RMND1: variants seen among roughly 807,000 people sequenced by gnomAD.
RMND1 encodes required for meiotic nuclear division protein 1 homolog.
RMND1 carries 41 observed loss-of-function variants against 54.0 expected under a neutral mutation model. The ratio of observed to expected loss-of-function variants is 0.76; its 90% CI spans 0.59 to 0.98. RMND1 has a LOEUF of 0.98. Among genes scored for constraint, RMND1 ranks in the 50% least tolerant of loss-of-function variants. The pLI, the probability that RMND1 is intolerant of heterozygous loss-of-function variation, is 0.00. For synonymous variants in RMND1, 183 were observed against 181.7 expected, an observed-to-expected ratio of 1.01 and a Z score of -0.06; for missense variants, 457 against 532.0, an observed-to-expected ratio of 0.86 and a Z score of 1.39.
At chr6:151,417,513 A>G (rs1373289979) in intron 9 of RMND1, 114 bp from the exon 10 acceptor site, 3 of 769,436 alleles carry the variant, frequency 3.9e-6, no homozygotes, top group Middle Eastern at 3.9e-4. Flanking sequence ...TTGGTAAGAG[A>G]GAGGGTCTTG....
intron 10 of RMND1, among the ~76,000 whole-genome samples, chr6:151,410,311 T>C (rs1375576657): frequency 6.6e-6 from 1 of 152,134 alleles, no homozygotes; most frequent in African/African-American, 2.4e-5. Context: ...CTCCTTGGCC[T>C]CCCAAAATGC....
intron 7 of RMND1, 134 bp from the exon 8 acceptor site, chr6:151,422,739 A>AT (rs1378106948): frequency 2.2e-6 from 1 of 460,648 alleles, no homozygotes; most frequent in Non-Finnish European, 3.9e-6. Flanking sequence ...TGAAAATATA[A>AT]TTTAAGAATA....
chr6:151,436,789 G>A, intron 2 of RMND1: 1 of 398,146 alleles, frequency 2.5e-6, no homozygotes, highest in East Asian at 4.1e-5. Flanking sequence ...CAAAAAGATG[G>A]AATGGATTAT....
chr6:151,425,066 C>A (rs191245535), intron 6 of RMND1, among the ~76,000 whole-genome samples: 350 of 152,294 alleles, frequency 2.3e-3, no homozygotes, highest in Admixed American at 5.4e-3. Context: ...CCTCAGCCTC[C>A]TGAGTAGCTG....
At chr6:151,445,967 G>T in intron 1 of RMND1, 142 bp from the exon 2 acceptor site, 1 of 777,716 alleles carries the variant, frequency 1.3e-6, no homozygotes, top group Non-Finnish European at 2.0e-6. Flanking sequence ...AAAAGAACAA[G>T]GTTAAAAATA....
At chr6:151,448,318 A>G (rs191381027) in intron 1 of RMND1, among the ~76,000 whole-genome samples, 7 of 152,092 alleles carry the variant, frequency 4.6e-5, no homozygotes, top group Admixed American at 4.6e-4. Context: ...TTCAACCCCA[A>G]CAGGACCCAC....
At chr6:151,451,110 G>T (rs369982554) in intron 1 of RMND1, among the ~76,000 whole-genome samples, 12 of 150,408 alleles carry the variant, frequency 8.0e-5, no homozygotes, top group East Asian at 7.9e-4. Flanking sequence ...AGACCTTTGT[G>T]CACTTGTTTA....
intron 2 of RMND1, among the ~76,000 whole-genome samples, chr6:151,441,862 T>C (rs1436058244): frequency 6.6e-6 from 1 of 152,224 alleles, no homozygotes; most frequent in African/African-American, 2.4e-5. Context: ...TGGGCCATTC[T>C]AGCAAATAAT....
At chr6:151,449,661 A>G (rs71549125) in intron 1 of RMND1, among the ~76,000 whole-genome samples, 1 of 148,838 alleles carries the variant, frequency 6.7e-6, no homozygotes, top group Non-Finnish European at 1.5e-5. Context: ...CCCTCTCCCC[A>G]CGGTCCCCCT....
chr6:151,405,935 G>C (rs1779604594), intron 10 of RMND1, 99 bp from the exon 11 acceptor site: 3 of 580,004 alleles, frequency 5.2e-6, no homozygotes, highest in Non-Finnish European at 9.2e-6. Flanking sequence ...CTGCTCCTCA[G>C]TCCTCTCCCC....
intron 1 of RMND1, chr6:151,446,084 G>A: frequency 2.8e-6 from 1 of 358,444 alleles, no homozygotes; most frequent in South Asian, 4.1e-5. Flanking sequence ...AAAAAAAATA[G>A]TGATGGGACC....
At chr6:151,432,891 T>C (rs951525372) in intron 4 of RMND1, among the ~76,000 whole-genome samples, 6 of 152,160 alleles carry the variant, frequency 3.9e-5, no homozygotes, top group Non-Finnish European at 8.8e-5. Context: ...ATTTAGTCCA[T>C]GAAAATCCGA....
rs374972938 is a variant in RMND1 at position 151,430,133 on chromosome 6, C to G, written c.729+5G>C. 17 of 1,587,344 alleles carry G rather than the reference C, an allele frequency of 1.1e-5. No homozygotes were observed. The highest frequency in any genetic ancestry group is 1.5e-5 in the Non-Finnish European group (17 of 1,159,330). Reference sequence around the variant, plus strand: ...TTATATTTTCACATTTTTATTTACACTTACAGTTTTGTCTTTCACATTCCA... The same window carrying G: ...TTATATTTTCACATTTTTATTTACAGTTACAGTTTTGTCTTTCACATTCCA... On this transcript the variant is annotated splice_donor_5th_base_variant and intron_variant, in intron 5 of 11. Coordinates refer to ENST00000444024, the MANE Select transcript of RMND1 (RefSeq NM_017909.4).
intron 10 of RMND1, among the ~76,000 whole-genome samples, chr6:151,408,072 G>A (rs1297657720): frequency 6.6e-6 from 1 of 152,132 alleles, no homozygotes; most frequent in African/African-American, 2.4e-5. Context: ...CAGTGGACAT[G>A]AAGAAAAGGT....
rs527462616 is a variant in RMND1, at chr6:151,405,947, A to G, written c.1201-111T>C. ...ATCCTGCTCCTCAGTCCTCTCCCCA[A>G]AGGCAGCCACCAACATTATCAGTTT... On this transcript the variant is annotated intron_variant, in intron 10 of 11. Coordinates refer to ENST00000444024, the MANE Select transcript of RMND1 (RefSeq NM_017909.4). The G allele has an allele frequency of 2.7e-5, 14 of 525,832 alleles. No homozygotes were observed. The Admixed American group carries it at 4.2e-4, about 16-fold the overall frequency. The allele number at this position is 525,832 out of a possible 1,614,324, so 32.6% of individuals were successfully genotyped here.
At chr6:151,428,224 T>A (rs1395061287) in intron 5 of RMND1, among the ~76,000 whole-genome samples, 1 of 152,258 alleles carries the variant, frequency 6.6e-6, no homozygotes, top group African/African-American at 2.4e-5. Context: ...ACTGAAATCC[T>A]AATCCCCAGA....
In RMND1 at chr6:151,427,635, GTA is replaced by G. The variant is rs371699052; in HGVS notation, c.730-55_730-54del. On this transcript the variant is annotated intron_variant, in intron 5 of 11. Coordinates refer to ENST00000444024, the MANE Select transcript of RMND1 (RefSeq NM_017909.4). ...ATCATAACTGACTCCCTCAGTTCAA[GTA>G]TGTTATGATTTTAATGCTTATAACA... The G allele has an allele frequency of 5.4e-3, 6,171 of 1,134,634 alleles. 87 individuals carry two copies. The highest frequency in any genetic ancestry group is 0.036 in the South Asian group (2,864 of 79,260). 70.3% of individuals were successfully genotyped at this position (1,134,634 alleles called of 1,614,324 possible). A position where few individuals can be genotyped will look rare whatever the true frequency, so the allele number is the denominator to read the frequency against.
rs1780932314 is a variant in RMND1 at position 151,445,615 on chromosome 6, TGA to T, written c.195_196del (p.Gln66AspfsTer25). 8.1e-6 allele frequency: 13 copies of T among 1,614,214 alleles called. No individual in the cohort carries two copies. Among genetic ancestry groups the T allele is most frequent in the Non-Finnish European group, 1.1e-5 (13 of 1,180,030 alleles). The stretch of plus-strand genomic sequence containing the variant: ...CTTTTTTTGGTTCATTTCCAGGATC[TGA>T]GACTTATTCAAACCACTAGCTGTTT... On this transcript the variant is annotated frameshift_variant, in exon 2 of 12. Coordinates refer to ENST00000444024, the MANE Select transcript of RMND1 (RefSeq NM_017909.4). LOFTEE classifies it high-confidence loss of function.
At chr6:151,449,794 G>T (rs915243811) in intron 1 of RMND1, among the ~76,000 whole-genome samples, 1 of 152,214 alleles carries the variant, frequency 6.6e-6, no homozygotes, top group African/African-American at 2.4e-5. Context: ...GATTACAGGC[G>T]CATGCCGCCA....
Sources: allele counts gnomAD v4.1 joint callset (sites outside exome capture counted in the v4.1 genomes callset), GRCh38; gene constraint gnomAD v4.1.1; transcripts MANE v1.5; gene names NCBI Gene and HGNC (gene_info 2026-07-23, HGNC 2026-07-21).